CNTN1: variants seen among roughly 807,000 people sequenced by gnomAD.
CNTN1 encodes contactin-1.
CNTN1 carries 38 observed loss-of-function variants against 126.4 expected under a neutral mutation model. The ratio of observed to expected loss-of-function variants is 0.30; its 90% CI spans 0.23 to 0.39. CNTN1 has a LOEUF of 0.39. Ranked by LOEUF, CNTN1 falls within the 10% of genes least tolerant of loss-of-function variation. The pLI is 1.00. For missense variants in CNTN1, 1,009 were observed against 1,248.4 expected (o/e 0.81, Z 2.89); for synonymous variants, 413 against 422.6 (o/e 0.98, Z 0.28).
At chr12:40,918,858 A>G in intron 4 of CNTN1, 87 bp downstream of exon 4, 1 of 1,507,970 alleles carries the variant, frequency 6.6e-7, no homozygotes, top group Non-Finnish European at 9.2e-7. Flanking sequence ...GATGTAATAT[A>G]GTGCTTTCTG....
intron 23 of CNTN1, among the ~76,000 whole-genome samples, chr12:41,037,648 G>T (rs1224802681): frequency 6.9e-6 from 1 of 144,600 alleles, no homozygotes; most frequent in African/African-American, 2.6e-5. Flanking sequence ...TGTTTAAAGG[G>T]GTTTGTGTGT....
chr12:41,061,293 C>T (rs1200179419), intron 23 of CNTN1, among the ~76,000 whole-genome samples: 1 of 152,134 alleles, frequency 6.6e-6, no homozygotes, highest in African/African-American at 2.4e-5. Flanking sequence ...GGTCATCACT[C>T]TATTGGAAAT....
chr12:40,899,752 A>G (rs879794116), intron 1 of CNTN1, among the ~76,000 whole-genome samples: 8 of 152,200 alleles, frequency 5.3e-5, no homozygotes, highest in South Asian at 4.1e-4. Context: ...TATTAAGACT[A>G]TTCTTCAAGA....
intron 1 of CNTN1, among the ~76,000 whole-genome samples, chr12:40,867,844 C>T (rs1943352168): frequency 6.6e-6 from 1 of 151,414 alleles, no homozygotes; most frequent in Non-Finnish European, 1.5e-5. Context: ...CACACTGGTT[C>T]CTTTCTGTAA....
At chr12:40,859,826 C>A (rs1335156377) in intron 1 of CNTN1, among the ~76,000 whole-genome samples, 1 of 151,938 alleles carries the variant, frequency 6.6e-6, no homozygotes, top group Non-Finnish European at 1.5e-5. Flanking sequence ...AAATTTTTAC[C>A]AATGCTAATG....
intron 17 of CNTN1, among the ~76,000 whole-genome samples, chr12:40,993,909 C>T (rs1948152443): frequency 6.6e-6 from 1 of 152,072 alleles, no homozygotes; most frequent in African/African-American, 2.4e-5. Flanking sequence ...ATTCAGAGTC[C>T]AGAGTGTTCA....
At chr12:41,020,582 A>T (rs567260098) in intron 20 of CNTN1, 142 bp downstream of exon 20, 29 of 616,446 alleles carry the variant, frequency 4.7e-5, no homozygotes, top group African/African-American at 3.5e-4. Flanking sequence ...TTGTGGTCAT[A>T]TATAAGTTAA....
chr12:40,770,578 C>T (rs984059349), intron 1 of CNTN1, among the ~76,000 whole-genome samples: 8 of 151,908 alleles, frequency 5.3e-5, no homozygotes, highest in African/African-American at 1.9e-4. Context: ...GTATTGAAGC[C>T]ATGAAAAGAA....
chr12:40,984,873 A>G (rs1947913435), intron 16 of CNTN1, among the ~76,000 whole-genome samples: 1 of 152,164 alleles, frequency 6.6e-6, no homozygotes, highest in Non-Finnish European at 1.5e-5. Context: ...GTGAATATAT[A>G]TACATACATA....
intron 5 of CNTN1, 93 bp from the exon 6 acceptor site, chr12:40,924,464 G>A (rs766559055): frequency 6.7e-5 from 49 of 734,552 alleles, no homozygotes; most frequent in Middle Eastern, 5.2e-4. Flanking sequence ...TGTATCTCAC[G>A]AATGAGTTAT....
chr12:41,030,688 T>C (rs1949129066), intron 23 of CNTN1, among the ~76,000 whole-genome samples: 1 of 152,154 alleles, frequency 6.6e-6, no homozygotes, highest in African/African-American at 2.4e-5. Flanking sequence ...TAAATTAATC[T>C]TTCTTCTGGT....
intron 17 of CNTN1, among the ~76,000 whole-genome samples, chr12:41,007,839 C>T (rs1948541356): frequency 1.3e-5 from 2 of 152,184 alleles, no homozygotes; most frequent in South Asian, 4.1e-4. Flanking sequence ...GTCCTTACTT[C>T]CTGCCAGCAT....
intron 1 of CNTN1, among the ~76,000 whole-genome samples, chr12:40,737,534 G>T (rs559238122): frequency 6.6e-6 from 1 of 151,850 alleles, no homozygotes; most frequent in East Asian, 1.9e-4. Context: ...GGAGAAAGAC[G>T]TAGGCTGGGA....
intron 23 of CNTN1, among the ~76,000 whole-genome samples, chr12:41,064,835 G>C (rs1950016252): frequency 1.3e-5 from 2 of 151,930 alleles, no homozygotes; most frequent in African/African-American, 2.4e-5. Flanking sequence ...CTATTTTATA[G>C]TTGAAGGAAA....
chr12:40,980,826 G>A, intron 15 of CNTN1, 83 bp from the exon 16 acceptor site: 2 of 1,275,660 alleles, frequency 1.6e-6, no homozygotes, highest in Admixed American at 3.4e-5. Context: ...TAGATTAATG[G>A]TTAGAAGACA....
At chr12:40,958,216 CT>C (rs1244562763) in intron 14 of CNTN1, among the ~76,000 whole-genome samples, 1 of 151,330 alleles carries the variant, frequency 6.6e-6, no homozygotes, top group African/African-American at 2.4e-5. Context: ...TTAAGTCTAA[CT>C]TTTACTGTTA....
intron 4 of CNTN1, 78 bp downstream of exon 4, chr12:40,918,849 A>T: frequency 1.3e-6 from 2 of 1,544,026 alleles, no homozygotes; most frequent in Non-Finnish European, 1.8e-6. Context: ...ACTTGTACAG[A>T]TGTAATATAG....
intron 14 of CNTN1, among the ~76,000 whole-genome samples, chr12:40,954,218 C>T (rs375110492): frequency 2.6e-5 from 4 of 151,708 alleles, no homozygotes; most frequent in Non-Finnish European, 5.9e-5. Flanking sequence ...CATTTTGTGT[C>T]GTAATAGTTT....
intron 12 of CNTN1, among the ~76,000 whole-genome samples, chr12:40,940,401 A>G (rs191255263): frequency 6.6e-6 from 1 of 152,164 alleles, no homozygotes; most frequent in African/African-American, 2.4e-5. Flanking sequence ...TTCATCTAAG[A>G]GTAATATAAA....
Sources: allele counts gnomAD v4.1 joint callset (sites outside exome capture counted in the v4.1 genomes callset), GRCh38; gene constraint gnomAD v4.1.1; transcripts MANE v1.5; gene names NCBI Gene and HGNC (gene_info 2026-07-23, HGNC 2026-07-21).